The following SIPA1L2 variants were observed in gnomAD, a reference collection of about 807,000 sequenced individuals.
SIPA1L2 encodes signal-induced proliferation-associated 1-like protein 2.
A neutral mutation model predicts 163.9 loss-of-function variants in SIPA1L2; 56 were observed. The ratio of observed to expected loss-of-function variants is 0.34; its 90% CI spans 0.28 to 0.43. The LOEUF (loss-of-function observed/expected upper bound fraction) is 0.43, where lower values mean the gene tolerates loss of function less well. Ranked by LOEUF, SIPA1L2 falls within the 20% of genes least tolerant of loss-of-function variation. The pLI is 1.00. For synonymous variants in SIPA1L2, 877 were observed against 865.7 expected, an observed-to-expected ratio of 1.01 and a Z score of -0.23; for missense variants, 1,974 against 2,193.5, an observed-to-expected ratio of 0.90 and a Z score of 2.00.
intron 3 of SIPA1L2, among the ~76,000 whole-genome samples, chr1:232,500,997 A>C (rs981105214): frequency 6.6e-6 from 1 of 150,772 alleles, no homozygotes; most frequent in Non-Finnish European, 1.5e-5. Flanking sequence ...CATCAGAAGA[A>C]AGGTTGACTT....
chr1:232,607,736 A>G (rs1448695474), intron 1 of SIPA1L2, among the ~76,000 whole-genome samples: 1 of 147,796 alleles, frequency 6.8e-6, no homozygotes, highest in Non-Finnish European at 1.5e-5. Flanking sequence ...ATCTGCACTT[A>G]TTTCCCATAT....
intron 3 of SIPA1L2, among the ~76,000 whole-genome samples, chr1:232,503,264 G>T (rs1220221786): frequency 3.3e-5 from 5 of 152,228 alleles, no homozygotes; most frequent in East Asian, 3.8e-4. Context: ...TGCAGGAAAT[G>T]AAGATGAGAT....
At chr1:232,411,790 T>C (rs765253882) in intron 19 of SIPA1L2, among the ~76,000 whole-genome samples, 1 of 152,214 alleles carries the variant, frequency 6.6e-6, no homozygotes. Context: ...TTTTTCATGA[T>C]CCTAAAAAAA....
chr1:232,462,933 C>T (rs1317999246), intron 9 of SIPA1L2, among the ~76,000 whole-genome samples: 1 of 152,140 alleles, frequency 6.6e-6, no homozygotes, highest in Non-Finnish European at 1.5e-5. Context: ...TCCTAACATC[C>T]CCAAAGTCTG....
chr1:232,479,090 T>C (rs1366131900), intron 7 of SIPA1L2, among the ~76,000 whole-genome samples: 1 of 152,282 alleles, frequency 6.6e-6, no homozygotes, highest in Non-Finnish European at 1.5e-5. Context: ...CAATGATTTA[T>C]GCATCATTCA....
intron 19 of SIPA1L2, among the ~76,000 whole-genome samples, chr1:232,407,380 A>G (rs1660704121): frequency 6.6e-6 from 1 of 152,206 alleles, no homozygotes; most frequent in Non-Finnish European, 1.5e-5. Flanking sequence ...TCAAATATCA[A>G]TAACTGTAAC....
At chr1:232,490,502 T>C (rs1192058267) in intron 5 of SIPA1L2, among the ~76,000 whole-genome samples, 1 of 152,182 alleles carries the variant, frequency 6.6e-6, no homozygotes, top group Non-Finnish European at 1.5e-5. Context: ...TCTGTCAGCA[T>C]GATGCCTTCC....
intron 7 of SIPA1L2, among the ~76,000 whole-genome samples, chr1:232,472,679 T>C (rs776684943): frequency 2.0e-5 from 3 of 152,200 alleles, no homozygotes; most frequent in Non-Finnish European, 4.4e-5. Flanking sequence ...TGCTGGAATG[T>C]GACAATCTCA....
intron 18 of SIPA1L2, among the ~76,000 whole-genome samples, chr1:232,421,984 A>G (rs1275100248): frequency 1.3e-5 from 2 of 152,218 alleles, no homozygotes; most frequent in African/African-American, 4.8e-5. Flanking sequence ...GAGCCTGCCA[A>G]TGCTTGGGAT....
Position 232,483,884 on chromosome 1 carries a change from G to T in SIPA1L2, c.1889C>A (p.Ala630Glu), listed in dbSNP as rs1170189072. ...AAGGAATTCTTCAAAAGCTGGTCCCGCCGTCTCATTGTTATACATCTCTTC... is the reference window on the plus strand; with the variant it reads ...AAGGAATTCTTCAAAAGCTGGTCCCTCCGTCTCATTGTTATACATCTCTTC... ...TEEEMYNNET[A>E]GPAFEEFLDL... Residue 630 changes from alanine to glutamate, a missense_variant, in exon 6 of 23, where the codon GCG becomes GAG. This residue lies in a region of SIPA1L2 where 288 missense variants were observed against 418.9 expected (regional missense o/e 0.69). Coordinates refer to ENST00000674635, the MANE Select transcript of SIPA1L2 (RefSeq NM_020808.5). The T allele has an allele frequency of 6.2e-7, 1 of 1,613,914 alleles. No homozygotes were observed. The highest frequency in any genetic ancestry group is 1.1e-5 in the South Asian group (1 of 91,090).
At chr1:232,578,283 T>C (rs771561155) in intron 1 of SIPA1L2, among the ~76,000 whole-genome samples, 5 of 152,154 alleles carry the variant, frequency 3.3e-5, no homozygotes, top group African/African-American at 7.2e-5. Context: ...TCTGTGTGAC[T>C]TGCTATACTG....
intron 19 of SIPA1L2, among the ~76,000 whole-genome samples, chr1:232,407,282 T>C (rs558615012): frequency 3.9e-4 from 59 of 152,312 alleles, no homozygotes; most frequent in East Asian, 5.8e-4. Flanking sequence ...CATTTTTTTT[T>C]CCACTAATTA....
rs56028740 is a variant in SIPA1L2 at position 232,544,560 on chromosome 1, C to CAA, written c.-269-28954_-269-28953dup. 8.7e-4 allele frequency among the ~76,000 whole-genome samples: 129 copies of CAA among 147,530 alleles called. 1 individual carries two copies. The highest frequency in any genetic ancestry group is 2.6e-3 in the East Asian group (13 of 4,974). On this transcript the variant is annotated intron_variant, in intron 2 of 22. Coordinates refer to ENST00000674635, the MANE Select transcript of SIPA1L2 (RefSeq NM_020808.5). ...GGGCGACAGAGCGAGACTCCTGTCTCAAAAAAAAAAAAGTGCTTGAATGCC... is the reference window on the plus strand; with the variant it reads ...GGGCGACAGAGCGAGACTCCTGTCTCAAAAAAAAAAAAAAGTGCTTGAATGCC...
At chr1:232,551,495 A>C (rs896936640) in intron 2 of SIPA1L2, among the ~76,000 whole-genome samples, 7 of 152,256 alleles carry the variant, frequency 4.6e-5, no homozygotes, top group Non-Finnish European at 1.0e-4. Context: ...AATTTGAAAA[A>C]TTTTTAAAAA....
chr1:232,590,454 G>C (rs1271724718), intron 1 of SIPA1L2, among the ~76,000 whole-genome samples: 1 of 152,222 alleles, frequency 6.6e-6, no homozygotes, highest in Admixed American at 6.5e-5. Context: ...GATAGCACCA[G>C]CATTTTAACA....
chr1:232,485,841 G>A (rs995351434), intron 5 of SIPA1L2, among the ~76,000 whole-genome samples: 7 of 152,102 alleles, frequency 4.6e-5, no homozygotes, highest in Non-Finnish European at 8.8e-5. Context: ...CGTTAATACC[G>A]AAGAATACTA....
chr1:232,431,634 C>A (rs902479839), intron 16 of SIPA1L2, among the ~76,000 whole-genome samples: 2 of 152,290 alleles, frequency 1.3e-5, no homozygotes. Context: ...AGTTCCTTAG[C>A]CCCAGCCAGC....
intron 15 of SIPA1L2, among the ~76,000 whole-genome samples, chr1:232,432,910 T>C (rs1461045616): frequency 3.3e-5 from 5 of 152,188 alleles, no homozygotes; most frequent in Non-Finnish European, 7.3e-5. Context: ...CAATACCCAG[T>C]GACCCAGTGT....
chr1:232,522,158 T>C (rs1341499449), intron 2 of SIPA1L2, among the ~76,000 whole-genome samples: 1 of 152,164 alleles, frequency 6.6e-6, no homozygotes, highest in Non-Finnish European at 1.5e-5. Context: ...TTAGAACCAC[T>C]ATCATAGTTC....
Sources: gnomAD v4.1 joint callset for allele counts (sites outside exome capture counted in the v4.1 genomes callset) on GRCh38, gnomAD v4.1.1 for gene constraint, gnomAD v4.1.1 regional missense constraint, MANE v1.5 for transcripts, NCBI Gene and HGNC (gene_info 2026-07-23, HGNC 2026-07-21) for gene names.